TMTC1: variants seen among roughly 807,000 people sequenced by gnomAD.
The protein encoded by TMTC1 is protein O-mannosyl-transferase TMTC1.
In TMTC1, 73 loss-of-function variants were observed where a neutral mutation model predicts 104.8. The observed-to-expected ratio is 0.70, with a 90% CI of 0.58 to 0.85. The LOEUF (loss-of-function observed/expected upper bound fraction) is 0.85. Among genes scored for constraint, TMTC1 ranks in the 40% least tolerant of loss-of-function variants. The pLI is 0.00. For synonymous variants in TMTC1, 434 were observed against 428.7 expected (o/e 1.01, Z -0.15); for missense variants, 1,035 against 1,096.1 (o/e 0.94, Z 0.79).
At chr12:29,648,015 T>C (rs528709206) in intron 5 of TMTC1, among the ~76,000 whole-genome samples, 2 of 152,344 alleles carry the variant, frequency 1.3e-5, no homozygotes, top group Admixed American at 6.5e-5. Context: ...GAAGCCATAC[T>C]TGGGCTTTTG....
chr12:29,773,141 C>T (rs1324977201), intron 1 of TMTC1, among the ~76,000 whole-genome samples: 2 of 152,130 alleles, frequency 1.3e-5, no homozygotes, highest in Admixed American at 6.5e-5. Context: ...CCCAAATCGC[C>T]CCTTCTCCAT....
intron 4 of TMTC1, among the ~76,000 whole-genome samples, chr12:29,753,735 G>A (rs1176424664): frequency 6.6e-6 from 1 of 152,214 alleles, no homozygotes; most frequent in African/African-American, 2.4e-5. Context: ...GATGCTCTTT[G>A]CGGGAAGGAA....
chr12:29,514,620 A>G lies in TMTC1; in HGVS notation c.2308-16T>C. 1 of 1,599,006 alleles carries G rather than the reference A, an allele frequency of 6.3e-7. No individual in the cohort carries two copies. The highest frequency in any genetic ancestry group is 8.5e-7 in the Non-Finnish European group (1 of 1,176,166). Reference sequence around the variant, plus strand: ...CATCAAGTGCCTGCAGAGGTTGGAAATTAAGACAGAATAAATGCAGATTAG... The same window carrying G: ...CATCAAGTGCCTGCAGAGGTTGGAAGTTAAGACAGAATAAATGCAGATTAG... On this transcript the variant is annotated splice_polypyrimidine_tract_variant and intron_variant, in intron 15 of 17. Transcript: ENST00000539277.
chr12:29,714,106 G>C (rs1235741012), intron 5 of TMTC1, among the ~76,000 whole-genome samples: 1 of 152,188 alleles, frequency 6.6e-6, no homozygotes, highest in African/African-American at 2.4e-5. Flanking sequence ...CTGAAGAACT[G>C]TGATAGAATT....
chr12:29,546,471 T>A (rs1944945361), intron 10 of TMTC1, among the ~76,000 whole-genome samples: 1 of 152,096 alleles, frequency 6.6e-6, no homozygotes, highest in South Asian at 2.1e-4. Context: ...ATTTCATGCT[T>A]CCTGGGACAG....
At chr12:29,779,053 T>A (rs894077963) in intron 1 of TMTC1, among the ~76,000 whole-genome samples, 2 of 152,188 alleles carry the variant, frequency 1.3e-5, no homozygotes, top group African/African-American at 4.8e-5. Context: ...GCAAAAAGAC[T>A]GGCACTCTTC....
intron 5 of TMTC1, among the ~76,000 whole-genome samples, chr12:29,670,934 C>CAAA (rs374719241): frequency 1.5e-5 from 1 of 68,554 alleles, no homozygotes; most frequent in Non-Finnish European, 3.0e-5. Flanking sequence ...GACTCTGTCT[C>CAAA]AAAAAAAAAG....
intron 2 of TMTC1, among the ~76,000 whole-genome samples, chr12:29,764,825 CT>C (rs1033378688): frequency 6.6e-6 from 1 of 152,096 alleles, no homozygotes; most frequent in East Asian, 1.9e-4. Context: ...CTCGCTGCAA[CT>C]TTTTTTAAGG....
At chr12:29,593,477 T>A (rs1473751105) in intron 7 of TMTC1, among the ~76,000 whole-genome samples, 1 of 152,226 alleles carries the variant, frequency 6.6e-6, no homozygotes, top group Non-Finnish European at 1.5e-5. Context: ...ATAAGTTTTT[T>A]AAGAGCAAAT....
intron 5 of TMTC1, among the ~76,000 whole-genome samples, chr12:29,643,700 T>TTTATTATAATA (rs1939044254): frequency 3.0e-3 from 4 of 1,324 alleles, no homozygotes; most frequent in African/African-American, 9.3e-3. Context: ...ATTATATATA[T>TTTATTATAATA]TATATATTAT....
chr12:29,782,006 G>C (rs1195147039), intron 1 of TMTC1, among the ~76,000 whole-genome samples: 1 of 152,180 alleles, frequency 6.6e-6, no homozygotes, highest in African/African-American at 2.4e-5. Context: ...CTGTTACAAA[G>C]ATAGCAAGCA....
At chr12:29,664,047 C>A (rs919229357) in intron 5 of TMTC1, among the ~76,000 whole-genome samples, 3 of 150,838 alleles carry the variant, frequency 2.0e-5, no homozygotes, top group Non-Finnish European at 4.4e-5. Flanking sequence ...ATTAGCCGGG[C>A]GTAGTGGCGG....
intron 5 of TMTC1, among the ~76,000 whole-genome samples, chr12:29,661,894 A>T (rs909010326): frequency 3.9e-5 from 6 of 152,118 alleles, no homozygotes; most frequent in African/African-American, 1.2e-4. Context: ...ACCTGTGTGG[A>T]TCCTGCCCTG....
At chr12:29,712,419 C>A (rs191024500) in intron 5 of TMTC1, among the ~76,000 whole-genome samples, 8 of 152,100 alleles carry the variant, frequency 5.3e-5, no homozygotes, top group African/African-American at 1.9e-4. Context: ...GGTCCCTTTA[C>A]GCTAAAATAT....
At chr12:29,762,056 GT>G (rs1430131958) in intron 2 of TMTC1, among the ~76,000 whole-genome samples, 1 of 152,136 alleles carries the variant, frequency 6.6e-6, no homozygotes, top group Non-Finnish European at 1.5e-5. Context: ...GTGTGCACCT[GT>G]GGTCCCAGCT....
At chr12:29,566,465 C>T (rs188791267) in intron 9 of TMTC1, among the ~76,000 whole-genome samples, 3 of 152,226 alleles carry the variant, frequency 2.0e-5, no homozygotes, top group Admixed American at 1.3e-4. Flanking sequence ...GGGGCTCCAG[C>T]GGGGCTGGTC....
Position 29,572,145 on chromosome 12 carries a change from G to T in TMTC1, c.1492C>A (p.Arg498=). 1.9e-6 allele frequency: 3 copies of T among 1,613,948 alleles called. No homozygotes were observed. In the South Asian group the frequency reaches 3.3e-5, roughly 18 times the overall value. Residue 498 remains arginine, a synonymous_variant, in exon 9 of 18, where the codon CGG becomes AGG. Coordinates refer to ENST00000539277, the MANE Select transcript of TMTC1 (RefSeq NM_001193451.2). ...TAGTGGTAGATCGCTTCCTTGTTCC[G>T]ACCTTGGTCCTTCAGGAAATTGGCA... The part of the protein sequence containing the change: ...NYANFLKDQG[R]NKEAIYHYRT...
At position 29,654,760 on chromosome 12, in the gene TMTC1, G is replaced by A. The variant is rs190731028; in HGVS notation, c.939-21424C>T. ...GAGATGTATGGTATAGCCATATAAT[G>A]GAATGCTACTGGGGAATAAAAAGGA... is the stretch of plus-strand genomic sequence containing the variant. On this transcript the variant is annotated intron_variant, in intron 5 of 17. Transcript: ENST00000539277. Among the ~76,000 whole-genome samples the A allele has an allele frequency of 7.2e-5, 11 of 151,774 alleles. No individual in the cohort carries two copies. The East Asian group carries it at 1.9e-3, about 27-fold the overall frequency.
chr12:29,645,082 C>T (rs897056452), intron 5 of TMTC1, among the ~76,000 whole-genome samples: 4 of 152,148 alleles, frequency 2.6e-5, no homozygotes, highest in Admixed American at 1.3e-4. Context: ...ATAATTATTT[C>T]CCTAGCACTC....
Sources: gnomAD v4.1 joint callset for allele counts (sites outside exome capture counted in the v4.1 genomes callset) on GRCh38, gnomAD v4.1.1 for gene constraint, MANE v1.5 for transcripts, NCBI Gene and HGNC (gene_info 2026-07-23, HGNC 2026-07-21) for gene names.